DPYSL3: variants seen among roughly 807,000 people sequenced by gnomAD.
DPYSL3 encodes dihydropyrimidinase-related protein 3.
Under a neutral mutation model 66.1 loss-of-function variants are expected in DPYSL3, and 16 were observed. The observed-to-expected ratio is 0.24, with a 90% CI of 0.16 to 0.37. The LOEUF is 0.37. DPYSL3 is among the 10% of genes least tolerant of loss of function. The pLI is 1.00. For synonymous variants in DPYSL3, 338 were observed against 345.1 expected (o/e 0.98, Z 0.23); for missense variants, 738 against 916.2 (o/e 0.81, Z 2.51).
intron 1 of DPYSL3, among the ~76,000 whole-genome samples, chr5:147,452,298 A>G (rs998572620): frequency 2.0e-5 from 3 of 152,176 alleles, no homozygotes; most frequent in Admixed American, 2.0e-4. Flanking sequence ...CATGCCCACA[A>G]CAAAACCTGG....
In DPYSL3 at chr5:147,509,883, G is replaced by C. The variant is rs576120785; in HGVS notation, c.-25C>G. Reference sequence around the variant, plus strand: ...TGGTTCAAGCACGAAAGCGGCCCGCGGGTTTTTCTTCCCCAGAGGCGGAAA... The same window carrying C: ...TGGTTCAAGCACGAAAGCGGCCCGCCGGTTTTTCTTCCCCAGAGGCGGAAA... On this transcript the variant is annotated 5_prime_UTR_variant, in exon 1 of 14. Coordinates refer to ENST00000343218, the MANE Select transcript of DPYSL3 (RefSeq NM_001197294.2). The surrounding 1 kb of genome is among the most constrained non-coding windows in gnomAD (Gnocchi z 5.3). 1 of 1,488,574 alleles carries C rather than the reference G, an allele frequency of 6.7e-7. No individual in the cohort carries two copies. The highest frequency in any genetic ancestry group is 1.4e-5 in the African/African-American group (1 of 71,534). The allele number at this position is 1,488,574 out of a possible 1,614,324, so 92.2% of individuals were successfully genotyped here.
intron 2 of DPYSL3, among the ~76,000 whole-genome samples, chr5:147,419,873 T>C (rs1003980096): frequency 1.3e-5 from 2 of 152,210 alleles, no homozygotes; most frequent in African/African-American, 4.8e-5. Context: ...CTAGTTCAGA[T>C]ACTGGCCAAT....
intron 1 of DPYSL3, among the ~76,000 whole-genome samples, chr5:147,433,589 C>G (rs535560963): frequency 6.6e-6 from 1 of 152,180 alleles, no homozygotes; most frequent in African/African-American, 2.4e-5. Context: ...AGGCAACTAA[C>G]TTGATGCTTC....
rs758085369 is a variant in DPYSL3, at chr5:147,397,844, G to A, written c.1625C>T (p.Ala542Val). 2.9e-5 allele frequency: 46 copies of A among 1,599,684 alleles called. No homozygotes were observed. The Middle Eastern group carries it at 7.5e-4, about 26-fold the overall frequency. ...KIVSAKNHQS[A>V]AEYNIFEGME... ...CCCTTCAAAGATGTTGTACTCTGCC[G>A]CCTAGAGGCAGGGGTGAGAAGCAAA... Residue 542 changes from alanine to valine, a missense_variant and splice_region_variant, in exon 12 of 14, where the codon GCG (alanine) becomes GTG (valine). Coordinates refer to ENST00000343218, the MANE Select transcript of DPYSL3 (RefSeq NM_001197294.2).
In DPYSL3 at chr5:147,435,687, G is replaced by A. The variant is rs554233199; in HGVS notation, c.382-10724C>T. ...GACAGAGGCCCATGCTGGAGATAAA[G>A]GAAGGAAAAACTTAGAAACAGCAAG... On this transcript the variant is annotated intron_variant, in intron 1 of 13. Transcript: ENST00000343218. Among the ~76,000 whole-genome samples, 4 of 151,950 alleles carry A rather than the reference G, an allele frequency of 2.6e-5. No homozygotes were observed. In the South Asian group the frequency reaches 8.3e-4, roughly 32 times the overall value.
intron 1 of DPYSL3, among the ~76,000 whole-genome samples, chr5:147,440,230 GA>G (rs1752508086): frequency 6.6e-6 from 1 of 152,198 alleles, no homozygotes; most frequent in Non-Finnish European, 1.5e-5. Flanking sequence ...ATGAACCTGG[GA>G]GGCGGAGCTT....
chr5:147,416,790 T>C (rs1304864422), intron 3 of DPYSL3, among the ~76,000 whole-genome samples: 3 of 152,200 alleles, frequency 2.0e-5, no homozygotes, highest in Non-Finnish European at 4.4e-5. Context: ...CTTATTTATC[T>C]AAGTGAAAAA....
At chr5:147,461,591 C>T (rs1003538064) in intron 1 of DPYSL3, among the ~76,000 whole-genome samples, 3 of 152,158 alleles carry the variant, frequency 2.0e-5, no homozygotes, top group Admixed American at 2.0e-4. Context: ...AACGATGCTG[C>T]TTCACTACGG....
At chr5:147,413,928 A>G (rs1252858645) in intron 4 of DPYSL3, among the ~76,000 whole-genome samples, 1 of 152,158 alleles carries the variant, frequency 6.6e-6, no homozygotes, top group African/African-American at 2.4e-5. Flanking sequence ...CCCCTAGCCC[A>G]GAAGGTCAAT....
intron 1 of DPYSL3, among the ~76,000 whole-genome samples, chr5:147,437,336 G>A (rs570395043): frequency 6.6e-5 from 10 of 152,296 alleles, no homozygotes; most frequent in East Asian, 5.8e-4. Flanking sequence ...GGAGGAATGC[G>A]GGCTCAGGCC....
chr5:147,391,712 C>T lies in DPYSL3; in HGVS notation c.*2323G>A, dbSNP rs1757809032. On this transcript the variant is annotated 3_prime_UTR_variant, in exon 14 of 14. Transcript: ENST00000343218. Reference sequence around the variant, plus strand: ...ATTTTAAAATAGTGGGAGTTATTCTCGCAATTCCCAGGGATTTCTATGCTT... The same window carrying T: ...ATTTTAAAATAGTGGGAGTTATTCTTGCAATTCCCAGGGATTTCTATGCTT... The T allele has an allele frequency of 6.6e-6, 1 of 152,114 alleles. No homozygotes were observed. Among genetic ancestry groups the T allele is most frequent in the African/African-American group, 2.4e-5 (1 of 41,408 alleles). The allele number at this position is 152,114 out of a possible 1,614,324, so 9.4% of individuals were successfully genotyped here.
chr5:147,445,919 A>C (rs1287333542), intron 1 of DPYSL3, among the ~76,000 whole-genome samples: 3 of 152,128 alleles, frequency 2.0e-5, no homozygotes, highest in African/African-American at 7.2e-5. Flanking sequence ...TCATTATTCC[A>C]TTTCTCCTCT....
intron 1 of DPYSL3, among the ~76,000 whole-genome samples, chr5:147,508,303 C>T (rs909460939): frequency 1.3e-5 from 2 of 152,180 alleles, no homozygotes; most frequent in African/African-American, 4.8e-5. Context: ...AAACAGTGAA[C>T]AGAGATGCTG....
chr5:147,410,077 T>C (rs1751817891), intron 6 of DPYSL3, among the ~76,000 whole-genome samples: 1 of 152,204 alleles, frequency 6.6e-6, no homozygotes, highest in Non-Finnish European at 1.5e-5. Flanking sequence ...TTCTCACTTA[T>C]TGAAACTTGA....
chr5:147,412,661 C>A lies in DPYSL3; in HGVS notation c.910G>T (p.Glu304Ter), dbSNP rs931715826. The A allele has an allele frequency of 3.7e-6, 6 of 1,612,748 alleles. No homozygotes were observed. Among genetic ancestry groups the A allele is most frequent in the Non-Finnish European group, 5.1e-6 (6 of 1,179,484 alleles). ...ELYEIFTCLG[E>*]LGAIAQVHAE... ...TGAACTTGAGCAATGGCCCCCAGCTCTCCCAGGCAGGTGAAGATCTCATAG... is the reference window on the plus strand; with the variant it reads ...TGAACTTGAGCAATGGCCCCCAGCTATCCCAGGCAGGTGAAGATCTCATAG... Residue 304 changes from glutamate to a stop codon, truncating the protein, a stop_gained, in exon 6 of 14, where the codon GAG becomes TAG. Coordinates refer to ENST00000343218, the MANE Select transcript of DPYSL3 (RefSeq NM_001197294.2). LOFTEE classifies it high-confidence loss of function.
rs985633099 is a variant in DPYSL3, at chr5:147,456,581, A to ATTTT, written c.382-31622_382-31619dup. 2.6e-4 allele frequency among the ~76,000 whole-genome samples: 21 copies of ATTTT among 80,336 alleles called. 1 individual carries two copies. The highest frequency in any genetic ancestry group is 8.6e-4 in the African/African-American group (16 of 18,600). The allele number at this position is 80,336 out of a possible 152,430, so 52.7% of individuals were successfully genotyped here. ...TCTTTCAGCAAATGCTACTGATTCT[A>ATTTT]TTTTTTTTTTTTTTTTTTTTTTTTT... On this transcript the variant is annotated intron_variant, in intron 1 of 13. Transcript: ENST00000343218.
chr5:147,398,194 G>T (rs979908741), intron 11 of DPYSL3, among the ~76,000 whole-genome samples: 11 of 151,996 alleles, frequency 7.2e-5, no homozygotes, highest in Non-Finnish European at 8.8e-5. Context: ...TGGCCTTTAG[G>T]TCCCTCTAGC....
Position 147,509,548 on chromosome 5 carries a change from G to A in DPYSL3, c.311C>T (p.Ala104Val), listed in dbSNP as rs2126468406. ...ESREPAPASPAPAGVEIRSAT... is the reference protein window; with the variant it reads ...ESREPAPASPVPAGVEIRSAT... ...GCTCCGGATCTCTACCCCGGCGGGGGCGGGGGAGGCGGGCGCGGGCTCCCT... is the reference window on the plus strand; with the variant it reads ...GCTCCGGATCTCTACCCCGGCGGGGACGGGGGAGGCGGGCGCGGGCTCCCT... The change falls in exon 1 of 14, where the codon GCC becomes GTC. Residue 104 changes from alanine to valine, a missense_variant. Ala to Val is a moderately conservative substitution (Grantham distance 64). Transcript: ENST00000343218. The surrounding 1 kb of genome is among the most constrained non-coding windows in gnomAD (Gnocchi z 5.3). The A allele has an allele frequency of 6.5e-7, 1 of 1,534,930 alleles. No homozygotes were observed. Among genetic ancestry groups the A allele is most frequent in the Non-Finnish European group, 8.7e-7 (1 of 1,146,404 alleles).
At chr5:147,429,028 T>C (rs1167372192) in intron 1 of DPYSL3, among the ~76,000 whole-genome samples, 1 of 152,194 alleles carries the variant, frequency 6.6e-6, no homozygotes, top group Non-Finnish European at 1.5e-5. Flanking sequence ...CTTCTGTTCC[T>C]GGCAGCCAAG....
Sources: gnomAD v4.1 joint callset for allele counts (sites outside exome capture counted in the v4.1 genomes callset) on GRCh38, gnomAD v4.1.1 for gene constraint, Gnocchi (gnomAD v3.1) non-coding constraint, MANE v1.5 for transcripts, NCBI Gene and HGNC (gene_info 2026-07-23, HGNC 2026-07-21) for gene names.